The following ZFP90 variants were observed in gnomAD, a reference collection of about 807,000 sequenced individuals.
ZFP90 encodes zinc finger protein 90 homolog.
A neutral mutation model predicts 60.8 loss-of-function variants in ZFP90; 38 were observed. The ratio of observed to expected loss-of-function variants is 0.62; its 90% CI spans 0.48 to 0.82. The LOEUF (loss-of-function observed/expected upper bound fraction) is 0.82. ZFP90 is among the 40% of genes least tolerant of loss of function. The pLI, the probability that ZFP90 is intolerant of heterozygous loss-of-function variation, is 0.00. For missense variants in ZFP90, 711 were observed against 759.1 expected, an observed-to-expected ratio of 0.94 and a Z score of 0.74; for synonymous variants, 287 against 264.8, an observed-to-expected ratio of 1.08 and a Z score of -0.82.
rs535434445 is a variant in ZFP90 at position 68,565,084 on chromosome 16, A to G, written c.*386A>G. The G allele has an allele frequency of 4.4e-5, 44 of 996,318 alleles. No individual in the cohort carries two copies. Among genetic ancestry groups the G allele is most frequent in the African/African-American group, 1.4e-4 (8 of 57,528 alleles). The allele number at this position is 996,318 out of a possible 1,614,324, so 61.7% of individuals were successfully genotyped here. On this transcript the variant is annotated 3_prime_UTR_variant, in exon 5 of 5. Coordinates refer to ENST00000563169, the MANE Select transcript of ZFP90 (RefSeq NM_001305203.2). The stretch of plus-strand genomic sequence containing the variant: ...AACCCATTTTAAAAATTGCTTGACA[A>G]CTGCACTCAACTGCAGCTCTTACAT...
chr16:68,549,766 AGG>A lies in ZFP90; in HGVS notation c.34-8228_34-8227del, dbSNP rs372857139. On this transcript the variant is annotated intron_variant, in intron 2 of 4. Transcript: ENST00000563169. Reference sequence around the variant, plus strand: ...AATGGAGATGGGGACCAAATGCTGAAGGGGGATGGGGAGCACGGAGGATGTGG... The same window carrying A: ...AATGGAGATGGGGACCAAATGCTGAAGGGATGGGGAGCACGGAGGATGTGG... Among the ~76,000 whole-genome samples, 123 of 151,512 alleles carry A rather than the reference AGG, an allele frequency of 8.1e-4. 1 individual carries two copies. Among genetic ancestry groups the A allele is most frequent in the African/African-American group, 2.9e-3 (118 of 41,300 alleles).
At chr16:68,546,157 A>C (rs564134117) in intron 2 of ZFP90, among the ~76,000 whole-genome samples, 1 of 152,348 alleles carries the variant, frequency 6.6e-6, no homozygotes, top group East Asian at 1.9e-4. Flanking sequence ...CCTGGGCGAC[A>C]CAGCAAGACT....
chr16:68,548,474 C>CTTTTTTTTTTTTTTTTTTTTTTTTTTTT (rs551779570), intron 2 of ZFP90, among the ~76,000 whole-genome samples: 1 of 81,046 alleles, frequency 1.2e-5, no homozygotes, highest in Non-Finnish European at 2.1e-5. Flanking sequence ...GTTTATCCTC[C>CTTTTTTTTTTTTTTTTTTTTTTTTTTTT]TTTTTTTTTT....
At chr16:68,553,943 A>G (rs111580220) in intron 2 of ZFP90, among the ~76,000 whole-genome samples, 3 of 152,108 alleles carry the variant, frequency 2.0e-5, no homozygotes, top group African/African-American at 7.2e-5. Context: ...GATTTTAACA[A>G]GATCTCTCTG....
rs989462199 is a variant in ZFP90 at position 68,553,156 on chromosome 16, C to T, written c.34-4842C>T. Among the ~76,000 whole-genome samples, 32 of 152,130 alleles carry T rather than the reference C, an allele frequency of 2.1e-4. 2 individuals are homozygous for T. The highest frequency in any genetic ancestry group is 1.8e-3 in the Admixed American group (27 of 15,272). ...AGAAAATAAATAGTATTCTTGCTCT[C>T]GGGGTTTACATTCTGCTTTGGGATA... On this transcript the variant is annotated intron_variant, in intron 2 of 4. Transcript: ENST00000563169.
downstream of ZFP90, among the ~76,000 whole-genome samples, chr16:68,567,822 A>G (rs1015262420): frequency 6.6e-6 from 1 of 152,188 alleles, no homozygotes; most frequent in African/African-American, 2.4e-5. Flanking sequence ...CAGAGCATCT[A>G]GCGCACCTCC....
At chr16:68,576,042 A>T (rs909915313) in exon 3 of ZFP90, 231 of 23,754 alleles carry the variant, frequency 9.7e-3, no homozygotes, top group African/African-American at 0.024. Flanking sequence ...CATTTATTTA[A>T]AAAAAAAAAA....
chr16:68,575,223 G>A (rs765562895), intron 2 of ZFP90, among the ~76,000 whole-genome samples: 4 of 152,216 alleles, frequency 2.6e-5, no homozygotes, highest in Non-Finnish European at 5.9e-5. Context: ...TGCTGTGCCT[G>A]GCTTGTGCAC....
intron 2 of ZFP90, among the ~76,000 whole-genome samples, chr16:68,540,644 C>G (rs2091025824): frequency 6.6e-6 from 1 of 151,750 alleles, no homozygotes; most frequent in Non-Finnish European, 1.5e-5. Context: ...ATTGTAGTTG[C>G]TAGGTGTGTG....
At chr16:68,558,297 A>G (rs2091380182) in intron 3 of ZFP90, 173 bp downstream of exon 3, 1 of 1,199,482 alleles carries the variant, frequency 8.3e-7, no homozygotes, top group Non-Finnish European at 1.2e-6. Context: ...CTTTAGGTAA[A>G]AGGTCTTTAT....
chr16:68,561,699 C>G (rs2091441631), intron 4 of ZFP90, among the ~76,000 whole-genome samples: 2 of 152,142 alleles, frequency 1.3e-5, no homozygotes, highest in Non-Finnish European at 2.9e-5. Context: ...AGTAAGAAAT[C>G]TGGTTAGCAA....
chr16:68,543,664 T>G (rs849104), intron 2 of ZFP90, among the ~76,000 whole-genome samples: 116,001 of 151,356 alleles, frequency 0.77, 44,532 homozygotes, highest in East Asian at 0.82. Flanking sequence ...TGATTCAAGC[T>G]ATTTTCCTGC....
intron 2 of ZFP90, among the ~76,000 whole-genome samples, chr16:68,549,815 A>G (rs1216800724): frequency 6.6e-6 from 1 of 152,122 alleles, no homozygotes; most frequent in Non-Finnish European, 1.5e-5. Flanking sequence ...GAGGGAATGG[A>G]ACAGTGAACT....
At chr16:68,550,899 A>AG (rs981230938) in intron 2 of ZFP90, among the ~76,000 whole-genome samples, 2 of 152,202 alleles carry the variant, frequency 1.3e-5, no homozygotes, top group Non-Finnish European at 2.9e-5. Flanking sequence ...AGAGTCAAGG[A>AG]GGAGGTCCAG....
chr16:68,551,973 G>T (rs757693479), intron 2 of ZFP90, among the ~76,000 whole-genome samples: 1 of 150,126 alleles, frequency 6.7e-6, no homozygotes, highest in Admixed American at 6.7e-5. Flanking sequence ...TGTTAGCCAG[G>T]ATGGTCTCGA....
chr16:68,545,587 G>A (rs1280246298), intron 2 of ZFP90, among the ~76,000 whole-genome samples: 1 of 151,782 alleles, frequency 6.6e-6, no homozygotes, highest in Admixed American at 6.6e-5. Flanking sequence ...GGCCGAGGCA[G>A]GTGGATCACG....
At chr16:68,543,408 C>A (rs1597716713) in intron 2 of ZFP90, among the ~76,000 whole-genome samples, 4 of 152,186 alleles carry the variant, frequency 2.6e-5, no homozygotes, top group African/African-American at 9.6e-5. Context: ...TTAACAAATT[C>A]CTGAACTGGC....
In ZFP90 at chr16:68,565,896, A is replaced by G. The variant is rs1269415175; in HGVS notation, c.*1198A>G. On this transcript the variant is annotated 3_prime_UTR_variant, in exon 5 of 5. Transcript: ENST00000563169. ...TCCCAGCACTTTGGGTGGCTAAGGC[A>G]GATAGACTGCTTGAACCCAGGAGTT... 5 of 960,684 alleles carry G rather than the reference A, an allele frequency of 5.2e-6. No individual in the cohort carries two copies. The African/African-American group carries it at 8.8e-5, about 17-fold the overall frequency. 59.5% of individuals were successfully genotyped at this position (960,684 alleles called of 1,614,324 possible). A position where few individuals can be genotyped will look rare whatever the true frequency, so the allele number is the denominator to read the frequency against.
intron 2 of ZFP90, among the ~76,000 whole-genome samples, chr16:68,549,069 A>G (rs2091207438): frequency 6.6e-6 from 1 of 152,134 alleles, no homozygotes; most frequent in African/African-American, 2.4e-5. Flanking sequence ...TGCTTGCTCT[A>G]TGCCAGGCAG....
Sources: gnomAD v4.1 joint callset for allele counts (sites outside exome capture counted in the v4.1 genomes callset) on GRCh38, gnomAD v4.1.1 for gene constraint, MANE v1.5 for transcripts, NCBI Gene and HGNC (gene_info 2026-07-23, HGNC 2026-07-21) for gene names.